Variants in SLC30A7 observed in about 807,000 individuals in gnomAD.
SLC30A7 encodes zinc transporter 7.
Under a neutral mutation model 46.0 loss-of-function variants are expected in SLC30A7, and 35 were observed. The ratio of observed to expected loss-of-function variants is 0.76; its 90% CI spans 0.58 to 1.01. The LOEUF (loss-of-function observed/expected upper bound fraction) is 1.01. Among genes scored for constraint, SLC30A7 ranks in the 50% least tolerant of loss-of-function variants. The probability of loss-of-function intolerance (pLI) is 0.00; values close to 1 mark genes in which losing one functional copy is unlikely to be tolerated. For missense variants in SLC30A7, 464 were observed against 451.1 expected (o/e 1.03, Z -0.26); for synonymous variants, 147 against 157.8 (o/e 0.93, Z 0.51).
At chr1:100,974,065 G>A (rs1202571647) in intron 10 of SLC30A7, among the ~76,000 whole-genome samples, 1 of 152,138 alleles carries the variant, frequency 6.6e-6, no homozygotes, top group East Asian at 1.9e-4. Flanking sequence ...AGAAGGGGAT[G>A]TAGGGTTAAG....
chr1:100,918,365 C>G (rs571638405), intron 7 of SLC30A7, among the ~76,000 whole-genome samples: 2 of 152,258 alleles, frequency 1.3e-5, no homozygotes, highest in East Asian at 3.9e-4. Flanking sequence ...GAGCTGGGTG[C>G]ACTTGGCATG....
Position 100,976,461 on chromosome 1 carries a change from A to AG in SLC30A7, c.*1604_*1605insG, listed in dbSNP as rs1656515350. 6.6e-6 allele frequency: 1 copy of AG among 152,222 alleles called. No homozygotes were observed. The highest frequency in any genetic ancestry group is 1.5e-5 in the Non-Finnish European group (1 of 68,034). 9.4% of individuals were successfully genotyped at this position (152,222 alleles called of 1,614,324 possible). On this transcript the variant is annotated 3_prime_UTR_variant, in exon 11 of 11. Coordinates refer to ENST00000357650, the MANE Select transcript of SLC30A7 (RefSeq NM_133496.5). ...TGCTGAGTTGATTTTCTAGGTTCTTACGTATTTGAAAAATAAAATTGCAAT... is the reference window on the plus strand; with the variant it reads ...TGCTGAGTTGATTTTCTAGGTTCTTAGCGTATTTGAAAAATAAAATTGCAAT...
rs143163072 is a variant in SLC30A7 at position 100,948,222 on chromosome 1, G to C, written c.843-13606G>C. Among the ~76,000 whole-genome samples, 611 of 152,196 alleles carry C rather than the reference G, an allele frequency of 4.0e-3. 7 individuals are homozygous for C. The highest frequency in any genetic ancestry group is 0.013 in the African/African-American group (553 of 41,516). ...TTTCCATGTTTAGTGTTTCCTTCAG[G>C]AACTCTTGTAAGGCAGGCCCACAGA... On this transcript the variant is annotated intron_variant, in intron 8 of 10. Transcript: ENST00000357650.
chr1:100,913,478 A>G (rs993187785), intron 5 of SLC30A7, among the ~76,000 whole-genome samples, 185 bp from the exon 6 acceptor site: 1 of 152,174 alleles, frequency 6.6e-6, no homozygotes, highest in Non-Finnish European at 1.5e-5. Flanking sequence ...TGCTTTCATT[A>G]CCTTCTGGTA....
intron 8 of SLC30A7, among the ~76,000 whole-genome samples, chr1:100,953,084 A>G (rs918269893): frequency 6.6e-6 from 1 of 152,044 alleles, no homozygotes; most frequent in African/African-American, 2.4e-5. Flanking sequence ...AGTGTGTGGC[A>G]CTTCCTCCTT....
chr1:100,951,893 T>G (rs1156749734), intron 8 of SLC30A7, among the ~76,000 whole-genome samples: 1 of 152,140 alleles, frequency 6.6e-6, no homozygotes, highest in African/African-American at 2.4e-5. Context: ...AAGTTAAAGA[T>G]TTTGAGATGG....
intron 10 of SLC30A7, among the ~76,000 whole-genome samples, chr1:100,968,027 A>T (rs1253234392): frequency 6.6e-6 from 1 of 152,182 alleles, no homozygotes; most frequent in Non-Finnish European, 1.5e-5. Context: ...TTAATTTTCA[A>T]ATGTTTTGGC....
downstream of SLC30A7, among the ~76,000 whole-genome samples, chr1:100,986,078 C>T (rs540162637): frequency 5.3e-5 from 8 of 152,164 alleles, no homozygotes; most frequent in Non-Finnish European, 8.8e-5. Context: ...TGATCCACAT[C>T]ATTAGGTATT....
At chr1:100,908,976 A>G (rs1466667993) in intron 3 of SLC30A7, among the ~76,000 whole-genome samples, 1 of 151,984 alleles carries the variant, frequency 6.6e-6, no homozygotes, top group African/African-American at 2.4e-5. Flanking sequence ...TTTAATGTTC[A>G]GCTTTAGCTA....
chr1:100,906,879 CAT>C lies in SLC30A7; in HGVS notation c.211_212del (p.Met71ValfsTer4), dbSNP rs749049668. On this transcript the variant is annotated frameshift_variant, in exon 3 of 11. Coordinates refer to ENST00000357650, the MANE Select transcript of SLC30A7 (RefSeq NM_133496.5). LOFTEE classifies it high-confidence loss of function. Reference protein sequence around the residue: ...CLGLISDSFHMFFDSTAILAG... With the variant: ...CLGLISDSFHXFFDSTAILAG... ...TAGGCTTGATTTCCGACTCTTTTCA[CAT>C]GTTTTTCGATAGCACTGCCATTTTG... 5.0e-6 allele frequency: 8 copies of C among 1,613,198 alleles called. No individual in the cohort carries two copies. The highest frequency in any genetic ancestry group is 6.8e-6 in the Non-Finnish European group (8 of 1,179,406).
chr1:100,955,741 T>C (rs1343048067), intron 8 of SLC30A7, among the ~76,000 whole-genome samples: 2 of 152,114 alleles, frequency 1.3e-5, no homozygotes, highest in African/African-American at 4.8e-5. Context: ...ACTCCTGAGC[T>C]AAACACAATT....
intron 8 of SLC30A7, among the ~76,000 whole-genome samples, chr1:100,946,435 G>C (rs1361901034): frequency 6.6e-6 from 1 of 152,112 alleles, no homozygotes; most frequent in Non-Finnish European, 1.5e-5. Flanking sequence ...GTGATAAATA[G>C]CTTTTATTAT....
At chr1:100,921,608 GT>G in intron 7 of SLC30A7, 97 bp from the exon 8 acceptor site, 1 of 916,370 alleles carries the variant, frequency 1.1e-6, no homozygotes. Context: ...TTGATATCTA[GT>G]TTTTTATATA....
rs1210950736 is a variant in SLC30A7, at chr1:100,981,415, T to C, written c.*6558T>C. 1 of 152,174 alleles carries C rather than the reference T, an allele frequency of 6.6e-6. No homozygotes were observed. The highest frequency in any genetic ancestry group is 1.5e-5 in the Non-Finnish European group (1 of 67,998). The allele number at this position is 152,174 out of a possible 1,614,324, so 9.4% of individuals were successfully genotyped here. A position where few individuals can be genotyped will look rare whatever the true frequency, so the allele number is the denominator to read the frequency against. ...TATATTTTAAGCACCCTACAACACT[T>C]TACCTCCCTGCCTTTAGTGGTATTT... On this transcript the variant is annotated 3_prime_UTR_variant, in exon 11 of 11. Transcript: ENST00000357650.
the SLC30A7 span, among the ~76,000 whole-genome samples, chr1:100,988,436 A>G: frequency 6.6e-6 from 1 of 152,258 alleles, no homozygotes; most frequent in Admixed American, 6.5e-5. Context: ...CACCATTACC[A>G]AAACCAGAAG....
chr1:100,941,888 G>C (rs932388501), intron 8 of SLC30A7: 2 of 385,994 alleles, frequency 5.2e-6, no homozygotes, highest in East Asian at 1.2e-4. Flanking sequence ...CCCATTGCTC[G>C]GAATGGCTCC....
At chr1:100,947,293 T>C (rs1267820551) in intron 8 of SLC30A7, among the ~76,000 whole-genome samples, 1 of 152,224 alleles carries the variant, frequency 6.6e-6, no homozygotes, top group Non-Finnish European at 1.5e-5. Flanking sequence ...CATCTTTATT[T>C]CTGCCTTCAT....
downstream of SLC30A7, among the ~76,000 whole-genome samples, chr1:100,986,715 G>A (rs1249259850): frequency 6.6e-6 from 1 of 152,122 alleles, no homozygotes; most frequent in Non-Finnish European, 1.5e-5. Flanking sequence ...AATAGTGAAT[G>A]GATAAACTGT....
chr1:100,911,729 T>C (rs1249940988), intron 4 of SLC30A7, among the ~76,000 whole-genome samples: 3 of 151,974 alleles, frequency 2.0e-5, no homozygotes, highest in Non-Finnish European at 4.4e-5. Context: ...TTTTTTTATT[T>C]TTAGTAGAAA....
Sources: allele counts gnomAD v4.1 joint callset (sites outside exome capture counted in the v4.1 genomes callset), GRCh38; gene constraint gnomAD v4.1.1; transcripts MANE v1.5; gene names NCBI Gene and HGNC (gene_info 2026-07-23, HGNC 2026-07-21).